Variants in RGS3 observed in about 807,000 individuals in gnomAD.
RGS3 encodes regulator of G protein signaling 3.
In RGS3, 80 loss-of-function variants were observed where a neutral mutation model predicts 132.6. The ratio of observed to expected loss-of-function variants is 0.60; its 90% CI spans 0.50 to 0.73. RGS3 has a LOEUF of 0.73. Ranked by LOEUF, RGS3 falls within the 30% of genes least tolerant of loss-of-function variation. The probability of loss-of-function intolerance (pLI) is 0.00; values close to 1 mark genes in which losing one functional copy is unlikely to be tolerated. For missense variants in RGS3, 1,382 were observed against 1,530.8 expected (o/e 0.90, Z 1.62); for synonymous variants, 598 against 620.6 (o/e 0.96, Z 0.54).
chr9:113,469,693 A>G (rs1363662903), intron 3 of RGS3, among the ~76,000 whole-genome samples: 3 of 151,706 alleles, frequency 2.0e-5, no homozygotes, highest in East Asian at 3.8e-4. Context: ...TTTCTTTATC[A>G]TTTACTTCAA....
chr9:113,498,814 G>A (rs900142117), intron 10 of RGS3, among the ~76,000 whole-genome samples: 13 of 151,814 alleles, frequency 8.6e-5, no homozygotes, highest in Admixed American at 6.6e-5. Context: ...CTACTTGGGA[G>A]GCTGAGGCAG....
Position 113,537,307 on chromosome 9 carries a change from G to A in RGS3, c.2037+389G>A, listed in dbSNP as rs770629036. On this transcript the variant is annotated intron_variant, in intron 19 of 24. Transcript: ENST00000350696. The surrounding 1 kb of genome is among the most constrained non-coding windows in gnomAD (Gnocchi z 4.3). The stretch of plus-strand genomic sequence containing the variant: ...CTGGTGTTTAACATTGGCCCCAGGC[G>A]GATGCGATAGAGGGGATGTTTGCGG... Among the ~76,000 whole-genome samples, 12 of 152,166 alleles carry A rather than the reference G, an allele frequency of 7.9e-5. No individual in the cohort carries two copies. Among genetic ancestry groups the A allele is most frequent in the African/African-American group, 9.7e-5 (4 of 41,440 alleles).
At chr9:113,466,921 T>G (rs918226261) in intron 3 of RGS3, among the ~76,000 whole-genome samples, 2 of 152,130 alleles carry the variant, frequency 1.3e-5, no homozygotes, top group Non-Finnish European at 2.9e-5. Context: ...TAATCTATTC[T>G]CTCCCTCTGT....
At chr9:113,589,280 GCCT>G (rs1227408161) in intron 20 of RGS3, 2 of 152,274 alleles carry the variant, frequency 1.3e-5, no homozygotes, top group African/African-American at 4.8e-5. Context: ...AGAGGCCAAA[GCCT>G]CCCTGCAGCT....
Position 113,538,275 on chromosome 9 carries a change from C to T in RGS3, c.2037+1357C>T, listed in dbSNP as rs144694940. Among the ~76,000 whole-genome samples the T allele has an allele frequency of 8.9e-4, 135 of 152,314 alleles. 1 individual carries two copies. Among genetic ancestry groups the T allele is most frequent in the Non-Finnish European group, 1.7e-3 (117 of 68,024 alleles). The stretch of plus-strand genomic sequence containing the variant: ...GGTTTGTTGCAGCACTGGCTGGTTG[C>T]CACTGTCAGGTTCTTCTACTGAGCA... On this transcript the variant is annotated intron_variant, in intron 19 of 24. Transcript: ENST00000350696.
At chr9:113,590,664 C>T (rs965620770) in intron 20 of RGS3, among the ~76,000 whole-genome samples, 1 of 151,982 alleles carries the variant, frequency 6.6e-6, no homozygotes, top group African/African-American at 2.4e-5. Flanking sequence ...AGATGAAGAC[C>T]TTCTGTTGGT....
chr9:113,480,479 GAAAA>G (rs1187019716), intron 4 of RGS3, among the ~76,000 whole-genome samples: 1 of 134,348 alleles, frequency 7.4e-6, no homozygotes, highest in Non-Finnish European at 1.6e-5. Flanking sequence ...AAAAAAAAAA[GAAAA>G]CCATACATTC....
chr9:113,554,122 C>G (rs1406970742), intron 19 of RGS3, among the ~76,000 whole-genome samples: 1 of 152,130 alleles, frequency 6.6e-6, no homozygotes, highest in Non-Finnish European at 1.5e-5. Flanking sequence ...GTTGAGAAAC[C>G]AAAGGAACAG....
chr9:113,535,167 C>T (rs1047194678), intron 18 of RGS3, among the ~76,000 whole-genome samples: 3 of 149,350 alleles, frequency 2.0e-5, no homozygotes, highest in South Asian at 2.1e-4. Context: ...GTTTTTTTTT[C>T]GAGGCTGAGT....
chr9:113,470,499 T>C (rs1829794412), intron 3 of RGS3, among the ~76,000 whole-genome samples: 1 of 152,262 alleles, frequency 6.6e-6, no homozygotes, highest in Non-Finnish European at 1.5e-5. Context: ...AATCTATTAT[T>C]GTTATGAAGT....
chr9:113,449,461 A>C (rs1481619511), intron 1 of RGS3, among the ~76,000 whole-genome samples: 1 of 152,190 alleles, frequency 6.6e-6, no homozygotes, highest in Non-Finnish European at 1.5e-5. Context: ...GAATTCCGTC[A>C]ATGTGTGGGG....
chr9:113,593,902 C>CA (rs1564624239), intron 21 of RGS3: 3 of 1,587,812 alleles, frequency 1.9e-6, no homozygotes, highest in Non-Finnish European at 1.7e-6. Flanking sequence ...CACCCCCCAC[C>CA]ACTGTCTCCC....
chr9:113,479,569 A>G (rs780433522), intron 4 of RGS3, 28 bp downstream of exon 2: 2 of 1,613,014 alleles, frequency 1.2e-6, no homozygotes, highest in Non-Finnish European at 1.7e-6. Context: ...CAGGCTCACC[A>G]AGGAAGGGGC....
intron 19 of RGS3, among the ~76,000 whole-genome samples, chr9:113,546,760 G>A (rs944581849): frequency 1.3e-5 from 2 of 152,336 alleles, no homozygotes; most frequent in African/African-American, 4.8e-5. Context: ...TGACACTGGG[G>A]AATTCCCAGA....
chr9:113,583,927 C>T, exon 20 of RGS3: 2 of 1,614,102 alleles, frequency 1.2e-6, no homozygotes, highest in Non-Finnish European at 1.7e-6. Context: ...CTCCGGGGAC[C>T]TACTAGCAGC....
chr9:113,523,981 G>T (rs1038214528), intron 17 of RGS3, among the ~76,000 whole-genome samples: 1 of 152,228 alleles, frequency 6.6e-6, no homozygotes, highest in Non-Finnish European at 1.5e-5. Context: ...TCTCCATCTC[G>T]GGCTCTGGCC....
chr9:113,528,643 G>T (rs1458152976), intron 17 of RGS3, among the ~76,000 whole-genome samples: 1 of 152,168 alleles, frequency 6.6e-6, no homozygotes, highest in Non-Finnish European at 1.5e-5. Context: ...TTAGTGAATG[G>T]TTGCAACTGG....
chr9:113,495,635 C>T (rs1253638297), intron 7 of RGS3, 151 bp from the exon 6 acceptor site: 31 of 696,146 alleles, frequency 4.5e-5, no homozygotes, highest in Non-Finnish European at 7.9e-5. Flanking sequence ...TCTATCCTGC[C>T]TCACAGAGTC....
intron 19 of RGS3, among the ~76,000 whole-genome samples, chr9:113,552,261 T>G (rs1833368696): frequency 6.6e-6 from 1 of 152,212 alleles, no homozygotes; most frequent in Non-Finnish European, 1.5e-5. Flanking sequence ...TTAGGACAAG[T>G]ACCCTCTTAT....
Sources: gnomAD v4.1 joint callset for allele counts (sites outside exome capture counted in the v4.1 genomes callset) on GRCh38, gnomAD v4.1.1 for gene constraint, Gnocchi (gnomAD v3.1) non-coding constraint, MANE v1.5 for transcripts, NCBI Gene and HGNC (gene_info 2026-07-23, HGNC 2026-07-21) for gene names.